Variants in PIP4K2B observed in about 807,000 individuals in gnomAD.
The protein encoded by PIP4K2B is phosphatidylinositol 5-phosphate 4-kinase type-2 beta.
PIP4K2B carries 3 observed loss-of-function variants against 42.0 expected under a neutral mutation model. That is an observed-to-expected ratio of 0.07 (90% CI 0.03 to 0.18). The LOEUF is 0.18. Ranked by LOEUF, PIP4K2B falls within the 10% of genes least tolerant of loss-of-function variation. The pLI is 1.00. For synonymous variants in PIP4K2B, 204 were observed against 210.1 expected, an observed-to-expected ratio of 0.97 and a Z score of 0.25; for missense variants, 332 against 562.3, an observed-to-expected ratio of 0.59 and a Z score of 4.14.
intron 3 of PIP4K2B, among the ~76,000 whole-genome samples, chr17:38,782,075 T>C (rs1331833245): frequency 6.6e-6 from 1 of 152,114 alleles, no homozygotes; most frequent in Non-Finnish European, 1.5e-5. Flanking sequence ...AAGTCAGAGG[T>C]GGTAAGCAGC....
intron 7 of PIP4K2B, among the ~76,000 whole-genome samples, chr17:38,771,991 T>C (rs540633728): frequency 6.6e-6 from 1 of 152,088 alleles, no homozygotes; most frequent in Non-Finnish European, 1.5e-5. Flanking sequence ...GACGGCACTA[T>C]TGCACTCAAG....
chr17:38,776,740 C>T lies in PIP4K2B; in HGVS notation c.807+947G>A, dbSNP rs138178195. On this transcript the variant is annotated intron_variant, in intron 7 of 9. Coordinates refer to ENST00000619039, the MANE Select transcript of PIP4K2B (RefSeq NM_003559.5). Reference sequence around the variant, plus strand: ...GTTTGTTTGTAGGATTTGGTTTTAACGAGCAGCCTCTCAATTTATTAAAAG... The same window carrying T: ...GTTTGTTTGTAGGATTTGGTTTTAATGAGCAGCCTCTCAATTTATTAAAAG... 730 of 350,676 alleles carry T rather than the reference C, an allele frequency of 2.1e-3. 4 individuals carry two copies. Among genetic ancestry groups the T allele is most frequent in the African/African-American group, 0.011 (517 of 46,850 alleles). The allele number at this position is 350,676 out of a possible 1,614,324, so 21.7% of individuals were successfully genotyped here.
At chr17:38,790,084 C>T (rs1362412802) in intron 1 of PIP4K2B, among the ~76,000 whole-genome samples, 3 of 152,066 alleles carry the variant, frequency 2.0e-5, no homozygotes, top group East Asian at 1.9e-4. Flanking sequence ...ACTTAAAATA[C>T]GCACACTTAA....
At chr17:38,773,122 A>G (rs1909138130) in intron 7 of PIP4K2B, among the ~76,000 whole-genome samples, 1 of 152,164 alleles carries the variant, frequency 6.6e-6, no homozygotes, top group East Asian at 1.9e-4. Context: ...AGAATAGAAA[A>G]TATCAGAATA....
At chr17:38,787,216 T>C (rs988287987) in intron 1 of PIP4K2B, among the ~76,000 whole-genome samples, 2 of 152,248 alleles carry the variant, frequency 1.3e-5, no homozygotes, top group South Asian at 4.1e-4. Context: ...TTTTGTATTG[T>C]GTAGAGACAA....
chr17:38,771,330 G>C (rs1909029601), intron 7 of PIP4K2B, 58 bp from the exon 8 acceptor site: 1 of 1,585,652 alleles, frequency 6.3e-7, no homozygotes, highest in South Asian at 1.1e-5. Context: ...GGACATCCCA[G>C]TGACATCCAG....
intron 1 of PIP4K2B, among the ~76,000 whole-genome samples, chr17:38,793,915 T>C (rs185605818): frequency 3.2e-4 from 49 of 150,920 alleles, no homozygotes; most frequent in Non-Finnish European, 4.1e-4. Context: ...AGAAAATGTA[T>C]GGACAGAACA....
chr17:38,778,141 TA>T (rs1909472130), intron 6 of PIP4K2B, among the ~76,000 whole-genome samples, 192 bp downstream of exon 6: 1 of 152,022 alleles, frequency 6.6e-6, no homozygotes, highest in South Asian at 2.1e-4. Flanking sequence ...AGGGCAGAGG[TA>T]AAAGACCAGA....
chr17:38,781,826 T>A (rs903733898), intron 3 of PIP4K2B, among the ~76,000 whole-genome samples: 1 of 151,512 alleles, frequency 6.6e-6, no homozygotes, highest in East Asian at 1.9e-4. Context: ...CTTTTTTTTT[T>A]TTTTTAAAGA....
intron 1 of PIP4K2B, among the ~76,000 whole-genome samples, chr17:38,793,071 G>A (rs1442013564): frequency 6.6e-6 from 1 of 151,930 alleles, no homozygotes; most frequent in East Asian, 1.9e-4. Context: ...TGGGATTACA[G>A]GCGCATGCCA....
chr17:38,789,042 C>T (rs1322392758), intron 1 of PIP4K2B, among the ~76,000 whole-genome samples: 1 of 152,088 alleles, frequency 6.6e-6, no homozygotes, highest in African/African-American at 2.4e-5. Context: ...TTGCTTGAGG[C>T]CAGGAGTTTG....
intron 7 of PIP4K2B, chr17:38,776,140 T>G: frequency 2.6e-6 from 1 of 381,128 alleles, no homozygotes; most frequent in South Asian, 1.8e-5. Flanking sequence ...CCGGCTAATT[T>G]TGTATTTTCA....
chr17:38,784,374 C>T (rs1258238500), intron 2 of PIP4K2B, 35 bp from the exon 3 acceptor site: 2 of 1,119,594 alleles, frequency 1.8e-6, no homozygotes, highest in Non-Finnish European at 2.7e-6. Flanking sequence ...TTGTGAACTG[C>T]CCCTTGCTCA....
At chr17:38,793,282 C>T (rs1228177606) in intron 1 of PIP4K2B, among the ~76,000 whole-genome samples, 1 of 146,714 alleles carries the variant, frequency 6.8e-6, no homozygotes, top group African/African-American at 2.6e-5. Context: ...TTTTGCTCGT[C>T]ACCCAGGCTG....
chr17:38,776,627 TA>T (rs201362879), intron 7 of PIP4K2B: 57 of 427,956 alleles, frequency 1.3e-4, no homozygotes, highest in Admixed American at 3.9e-4. Flanking sequence ...GAGAATCTCC[TA>T]AAAAAAAACA....
chr17:38,775,155 G>A (rs531678732), intron 7 of PIP4K2B, among the ~76,000 whole-genome samples: 8 of 152,122 alleles, frequency 5.3e-5, no homozygotes, highest in Non-Finnish European at 8.8e-5. Flanking sequence ...GGGTTTCACC[G>A]TGTTAGCCAG....
At chr17:38,797,122 C>T (rs902970229) in intron 1 of PIP4K2B, among the ~76,000 whole-genome samples, 5 of 152,192 alleles carry the variant, frequency 3.3e-5, no homozygotes, top group Admixed American at 1.3e-4. Flanking sequence ...TCCAGAGGCA[C>T]GGATCTTGCT....
chr17:38,796,615 T>A (rs1910671800), intron 1 of PIP4K2B, among the ~76,000 whole-genome samples: 1 of 152,224 alleles, frequency 6.6e-6, no homozygotes, highest in African/African-American at 2.4e-5. Context: ...ATCCATGGGC[T>A]CTTGTCCATG....
intron 9 of PIP4K2B, among the ~76,000 whole-genome samples, chr17:38,770,095 G>A (rs1447779788): frequency 6.6e-6 from 1 of 152,206 alleles, no homozygotes; most frequent in Admixed American, 6.5e-5. Context: ...ACAGGCCTGT[G>A]GGGAGCAGTA....
Sources: allele counts gnomAD v4.1 joint callset (sites outside exome capture counted in the v4.1 genomes callset), GRCh38; gene constraint gnomAD v4.1.1; transcripts MANE v1.5; gene names NCBI Gene and HGNC (gene_info 2026-07-23, HGNC 2026-07-21).